The following KCNIP1 variants were observed in gnomAD, a reference collection of about 807,000 sequenced individuals.
The protein encoded by KCNIP1 is potassium voltage-gated channel interacting protein 1, also known as A-type potassium channel modulatory protein KCNIP1.
In KCNIP1, 18 loss-of-function variants were observed where a neutral mutation model predicts 33.0. The ratio of observed to expected loss-of-function variants is 0.55; its 90% CI spans 0.38 to 0.81. The LOEUF is 0.81. KCNIP1 is among the 30% of genes least tolerant of loss of function. The pLI is 0.00. For synonymous variants in KCNIP1, 93 were observed against 98.3 expected (o/e 0.95, Z 0.32); for missense variants, 238 against 271.6 (o/e 0.88, Z 0.87).
At chr5:170,606,706 T>C (rs1315005784) in intron 1 of KCNIP1, among the ~76,000 whole-genome samples, 1 of 152,168 alleles carries the variant, frequency 6.6e-6, no homozygotes, top group African/African-American at 2.4e-5. Flanking sequence ...TAGTAACACT[T>C]ACTAAAATTC....
intron 1 of KCNIP1, among the ~76,000 whole-genome samples, chr5:170,564,350 C>T (rs1757134561): frequency 6.6e-6 from 1 of 152,138 alleles, no homozygotes. Flanking sequence ...CTCTAAGGAT[C>T]CTGGAAGGCA....
intron 1 of KCNIP1, among the ~76,000 whole-genome samples, chr5:170,531,086 T>A (rs1160350813): frequency 1.3e-5 from 2 of 152,214 alleles, no homozygotes; most frequent in Non-Finnish European, 2.9e-5. Flanking sequence ...GAATCCTGAC[T>A]GAAACCCCCT....
rs142069348 is a variant in KCNIP1, at chr5:170,617,281, G to T, written c.62-101477G>T. ...GGTGGAGAGGAGAGAAGGCATGAAG[G>T]CATCCCAGATAGGGACACAGCAGAA... On this transcript the variant is annotated intron_variant, in intron 1 of 7. Transcript: ENST00000328939. Among the ~76,000 whole-genome samples, 495 of 152,096 alleles carry T rather than the reference G, an allele frequency of 3.3e-3. 1 individual carries two copies. The highest frequency in any genetic ancestry group is 0.011 in the African/African-American group (477 of 41,492).
chr5:170,517,907 T>C (rs905937602), intron 1 of KCNIP1, among the ~76,000 whole-genome samples: 2 of 148,230 alleles, frequency 1.3e-5, no homozygotes, highest in Non-Finnish European at 3.0e-5. Flanking sequence ...ATGGTAGTGG[T>C]TATGGAGGCG....
At chr5:170,457,128 C>G (rs1278354396) in intron 1 of KCNIP1, among the ~76,000 whole-genome samples, 1 of 152,062 alleles carries the variant, frequency 6.6e-6, no homozygotes, top group Non-Finnish European at 1.5e-5. Context: ...CTCATAGATA[C>G]AAAAAGTATA....
chr5:170,456,143 G>A (rs1581208870), intron 1 of KCNIP1, among the ~76,000 whole-genome samples: 1 of 152,198 alleles, frequency 6.6e-6, no homozygotes, highest in Non-Finnish European at 1.5e-5. Context: ...AAAAGAATGA[G>A]TTTATGTCCT....
chr5:170,390,509 AAAAAAC>A (rs756762573), intron 1 of KCNIP1, among the ~76,000 whole-genome samples: 3 of 60,704 alleles, frequency 4.9e-5, no homozygotes, highest in African/African-American at 1.4e-4. Context: ...TCTCAAAAAA[AAAAAAC>A]AAATATATAT....
At chr5:170,668,665 G>A (rs1183215338) in intron 1 of KCNIP1, among the ~76,000 whole-genome samples, 1 of 152,204 alleles carries the variant, frequency 6.6e-6, no homozygotes, top group Non-Finnish European at 1.5e-5. Flanking sequence ...CCATGATGGT[G>A]GAGGAGGGTG....
chr5:170,435,958 C>T (rs1022058879), intron 1 of KCNIP1, among the ~76,000 whole-genome samples: 3 of 152,194 alleles, frequency 2.0e-5, no homozygotes, highest in African/African-American at 4.8e-5. Context: ...GCACTGCCCC[C>T]TCGATCTCAA....
intron 1 of KCNIP1, among the ~76,000 whole-genome samples, chr5:170,444,778 C>G (rs1756073829): frequency 6.6e-6 from 1 of 151,294 alleles, no homozygotes; most frequent in South Asian, 2.1e-4. Flanking sequence ...GATCTGCGGG[C>G]AAGGATAGTT....
chr5:170,379,073 C>T (rs1392035492), intron 1 of KCNIP1: 6 of 1,423,890 alleles, frequency 4.2e-6, no homozygotes, highest in African/African-American at 2.9e-5. Context: ...TGTAGTCGGG[C>T]CCCTGGATTG....
intron 1 of KCNIP1, among the ~76,000 whole-genome samples, chr5:170,490,751 C>T (rs370691324): frequency 3.3e-5 from 5 of 152,278 alleles, no homozygotes; most frequent in South Asian, 2.1e-4. Flanking sequence ...ACCACAGGCC[C>T]GCTGTAATCT....
intron 1 of KCNIP1, among the ~76,000 whole-genome samples, chr5:170,649,203 A>C (rs894635129): frequency 5.3e-5 from 8 of 152,198 alleles, no homozygotes; most frequent in African/African-American, 2.4e-5. Context: ...AGATAAATGC[A>C]AAAACATTTG....
intron 1 of KCNIP1, among the ~76,000 whole-genome samples, chr5:170,459,931 T>C (rs970114877): frequency 3.3e-5 from 5 of 152,186 alleles, no homozygotes; most frequent in African/African-American, 1.2e-4. Context: ...ATACGATTGA[T>C]AGACCATTAG....
intron 1 of KCNIP1, among the ~76,000 whole-genome samples, chr5:170,369,306 T>G (rs182333338): frequency 6.6e-6 from 1 of 152,284 alleles, no homozygotes; most frequent in Admixed American, 6.5e-5. Context: ...GGAATGTATG[T>G]GTGTAAAGGG....
intron 1 of KCNIP1, among the ~76,000 whole-genome samples, chr5:170,580,986 C>G (rs1156380036): frequency 6.6e-6 from 1 of 152,130 alleles, no homozygotes; most frequent in Non-Finnish European, 1.5e-5. Context: ...ACCCAAATAA[C>G]CACTGAGGCA....
intron 1 of KCNIP1, among the ~76,000 whole-genome samples, chr5:170,660,858 T>G (rs1761455340): frequency 6.6e-6 from 1 of 152,252 alleles, no homozygotes; most frequent in Admixed American, 6.5e-5. Context: ...AGCGTGGGCT[T>G]GCTGATCACA....
In KCNIP1 at chr5:170,504,061, G is replaced by GCAGCAGT; in HGVS notation, c.-511_-510insAGCAGTC. 2 of 985,388 alleles carry GCAGCAGT rather than the reference G, an allele frequency of 2.0e-6. No homozygotes were observed. The highest frequency in any genetic ancestry group is 2.4e-6 in the Non-Finnish European group (2 of 829,972). 61.0% of individuals were successfully genotyped at this position (985,388 alleles called of 1,614,324 possible). On this transcript the variant is annotated 5_prime_UTR_variant, in exon 1 of 8. Transcript: ENST00000328939. The surrounding 1 kb of genome is among the most constrained non-coding windows in gnomAD (Gnocchi z 6.0). Reference sequence around the variant, plus strand: ...GCTGGCAGCAGGCAGCAGGCAGCAGGCGGGCGCGCTGTGGCTCCGCGCCGC... The same window carrying GCAGCAGT: ...GCTGGCAGCAGGCAGCAGGCAGCAGGCAGCAGTCGGGCGCGCTGTGGCTCCGCGCCGC...
At chr5:170,471,893 C>T (rs1319682294) in intron 1 of KCNIP1, among the ~76,000 whole-genome samples, 1 of 152,200 alleles carries the variant, frequency 6.6e-6, no homozygotes, top group Non-Finnish European at 1.5e-5. Context: ...CCTCACAAGT[C>T]ATGATACATT....
Sources: gnomAD v4.1 joint callset for allele counts (sites outside exome capture counted in the v4.1 genomes callset) on GRCh38, gnomAD v4.1.1 for gene constraint, Gnocchi (gnomAD v3.1) non-coding constraint, MANE v1.5 for transcripts, NCBI Gene and HGNC (gene_info 2026-07-23, HGNC 2026-07-21) for gene names.